GAL3ST2: variants seen among roughly 807,000 people sequenced by gnomAD.
GAL3ST2 encodes the protein beta-galactose-3-O-sulfotransferase 2.
In GAL3ST2, 16 loss-of-function variants were observed where a neutral mutation model predicts 12.9. That is an observed-to-expected ratio of 1.24 (90% CI 0.84 to 1.88). The LOEUF (loss-of-function observed/expected upper bound fraction) is 1.88. Ranked by LOEUF, GAL3ST2 falls within the 40% of genes most tolerant of loss-of-function variation. GAL3ST2 has a pLI of 0.00. For missense variants in GAL3ST2, 639 were observed against 571.8 expected, an observed-to-expected ratio of 1.12 and a Z score of -1.20; for synonymous variants, 302 against 273.9, an observed-to-expected ratio of 1.10 and a Z score of -1.01.
chr2:241,802,599 G>A lies in GAL3ST2; in HGVS notation c.375+563G>A, dbSNP rs1699867458. ...GGGGAGAGGTGATGGGCAGAGAGCG[G>A]GGCAGCGGGGGTGTGCTGTGGGGTG... On this transcript the variant is annotated intron_variant, in intron 3 of 3. Coordinates refer to ENST00000192314, the MANE Select transcript of GAL3ST2 (RefSeq NM_022134.3). This position sits in a 1 kb window ranked among gnomAD's most constrained non-coding sequence, Gnocchi z 4.8. Among the ~76,000 whole-genome samples the A allele has an allele frequency of 6.6e-6, 1 of 151,220 alleles. No individual in the cohort carries two copies. The highest frequency in any genetic ancestry group is 2.4e-5 in the African/African-American group (1 of 41,108).
intron 1 of GAL3ST2, among the ~76,000 whole-genome samples, chr2:241,777,273 G>C (rs1174462884): frequency 6.6e-6 from 1 of 152,216 alleles, no homozygotes. Context: ...TCGAGTGTCC[G>C]CGTGACGGCT....
rs1699767787 is a variant in GAL3ST2 at position 241,795,957 on chromosome 2, G to T, written c.30-3108G>T. ...GAAGAATTGTAGAGTGCAGGTGAAG[G>T]GAGGGCCTGGAAGCTCCTGTCCCGT... is the stretch of plus-strand genomic sequence containing the variant. On this transcript the variant is annotated intron_variant, in intron 1 of 3. Transcript: ENST00000192314. This position sits in a 1 kb window ranked among gnomAD's most constrained non-coding sequence, Gnocchi z 4.5. Among the ~76,000 whole-genome samples, 1 of 152,198 alleles carries T rather than the reference G, an allele frequency of 6.6e-6. No homozygotes were observed. Among genetic ancestry groups the T allele is most frequent in the Admixed American group, 6.5e-5 (1 of 15,286 alleles).
intron 1 of GAL3ST2, among the ~76,000 whole-genome samples, chr2:241,792,191 GTTATTA>G (rs952888663): frequency 1.0e-4 from 15 of 150,424 alleles, no homozygotes; most frequent in African/African-American, 2.9e-4. Context: ...TTTTTGTATT[GTTATTA>G]TTATTATTAT....
chr2:241,794,593 C>T (rs1009277874), intron 1 of GAL3ST2, among the ~76,000 whole-genome samples: 1 of 152,228 alleles, frequency 6.6e-6, no homozygotes, highest in Non-Finnish European at 1.5e-5. Context: ...TCTGGGCGCT[C>T]CCAGTGAGGC....
At chr2:241,799,868 A>G (rs1344737386) in intron 2 of GAL3ST2, among the ~76,000 whole-genome samples, 1 of 152,166 alleles carries the variant, frequency 6.6e-6, no homozygotes, top group Non-Finnish European at 1.5e-5. Context: ...GTTCTGGGGC[A>G]GGGAGGGCGC....
chr2:241,803,663 G>C lies in GAL3ST2; in HGVS notation c.694G>C (p.Glu232Gln). Residue 232 changes from glutamate to glutamine, a missense_variant, in exon 4 of 4, where the codon GAG becomes CAG. Glu to Gln is a conservative substitution (Grantham distance 29). Transcript: ENST00000192314. The stretch of plus-strand genomic sequence containing the variant: ...GGTGCTCATCGCCGAGCACCTGGAC[G>C]AGTCCCTGGTGCTGCTGCGGCGCCG... ...RLVLIAEHLDESLVLLRRRLR... is the reference protein window; with the variant it reads ...RLVLIAEHLDQSLVLLRRRLR... 6.5e-7 allele frequency: 1 copy of C among 1,549,264 alleles called. No homozygotes were observed. Among genetic ancestry groups the C allele is most frequent in the Non-Finnish European group, 8.7e-7 (1 of 1,146,112 alleles).
intron 1 of GAL3ST2, among the ~76,000 whole-genome samples, chr2:241,778,157 A>G (rs1333058672): frequency 1.3e-5 from 2 of 152,222 alleles, no homozygotes; most frequent in Non-Finnish European, 2.9e-5. Flanking sequence ...ACAGCCCTGG[A>G]CAGCAGCCTT....
chr2:241,792,548 T>C (rs1699705651), intron 1 of GAL3ST2, among the ~76,000 whole-genome samples: 1 of 152,188 alleles, frequency 6.6e-6, no homozygotes, highest in South Asian at 2.1e-4. Context: ...TGTTGTTTTC[T>C]TTCTTCCTCC....
In GAL3ST2 at chr2:241,776,847, CTGCCTG is replaced by C; in HGVS notation, c.-102_-97del. ...AGTTCACCTGCCCCACAGCCGCACC[CTGCCTG>C]TGCCTGCACCCTGGGGAGCCCAGAG... On this transcript the variant is annotated 5_prime_UTR_variant, in exon 1 of 4. Transcript: ENST00000192314. 4.2e-6 allele frequency: 4 copies of C among 961,444 alleles called. No individual in the cohort carries two copies. The highest frequency in any genetic ancestry group is 5.7e-6 in the Non-Finnish European group (4 of 707,816). The allele number at this position is 961,444 out of a possible 1,614,324, so 59.6% of individuals were successfully genotyped here.
At position 241,802,421 on chromosome 2, in the gene GAL3ST2, G is replaced by T. The variant is rs1699865315; in HGVS notation, c.375+385G>T. Among the ~76,000 whole-genome samples, 1 of 152,190 alleles carries T rather than the reference G, an allele frequency of 6.6e-6. No homozygotes were observed. The highest frequency in any genetic ancestry group is 2.4e-5 in the African/African-American group (1 of 41,452). The stretch of plus-strand genomic sequence containing the variant: ...AGCATAGAGCCGGCTTCCCCCCAGG[G>T]CTTCCCTGACCTTCCTTACAAAGGA... On this transcript the variant is annotated intron_variant, in intron 3 of 3. Coordinates refer to ENST00000192314, the MANE Select transcript of GAL3ST2 (RefSeq NM_022134.3). This position sits in a 1 kb window ranked among gnomAD's most constrained non-coding sequence, Gnocchi z 4.8.
Position 241,803,834 on chromosome 2 carries a change from A to T in GAL3ST2, c.865A>T (p.Thr289Ser), listed in dbSNP as rs1699893730. The T allele has an allele frequency of 6.7e-7, 1 of 1,484,110 alleles. No homozygotes were observed. The highest frequency in any genetic ancestry group is 1.5e-5 in the African/African-American group (1 of 67,518). The allele number at this position is 1,484,110 out of a possible 1,614,324, so 91.9% of individuals were successfully genotyped here. The change falls in exon 4 of 4, where the codon ACC becomes TCC. Residue 289 changes from threonine to serine, a missense_variant. Physicochemically the swap from Thr to Ser is moderately conservative, Grantham distance 58. Transcript: ENST00000192314. ...GCGCCTGTACGAGCATTTCAACCGC[A>T]CCCTCTGGGCGCAGCTGCGCGCCGA... The part of the protein sequence containing the change: ...DWRLYEHFNR[T>S]LWAQLRAELG...
Position 241,799,119 on chromosome 2 carries a change from C to G in GAL3ST2, c.84C>G (p.Ala28=), listed in dbSNP as rs376854402. 11 of 1,613,676 alleles carry G rather than the reference C, an allele frequency of 6.8e-6. No individual in the cohort carries two copies. The Admixed American group carries it at 8.3e-5, about 12-fold the overall frequency. ...LLLALTLLLL[A]GFLHSDLELD... ...TGGCCCTGACTCTGCTCCTGCTGGC[C>G]GGATTCCTGCACTCGGACTTAGAGC... The change falls in exon 2 of 4, where the codon GCC becomes GCG. Residue 28 remains alanine, a synonymous_variant. Transcript: ENST00000192314.
rs1002457046 is a variant in GAL3ST2 at position 241,793,478 on chromosome 2, GTAT to G, written c.30-5583_30-5581del. On this transcript the variant is annotated intron_variant, in intron 1 of 3. Coordinates refer to ENST00000192314, the MANE Select transcript of GAL3ST2 (RefSeq NM_022134.3). The surrounding 1 kb of genome is among the most constrained non-coding windows in gnomAD (Gnocchi z 4.7). The stretch of plus-strand genomic sequence containing the variant: ...TATGCGTGTGTATGTGTATGCATGT[GTAT>G]TATATGTACATATTGTGTATGTGTG... Among the ~76,000 whole-genome samples the G allele has an allele frequency of 3.9e-5, 6 of 152,030 alleles. No homozygotes were observed. Among genetic ancestry groups the G allele is most frequent in the East Asian group, 3.9e-4 (2 of 5,190 alleles).
At chr2:241,783,987 C>G (rs1699597627) in intron 1 of GAL3ST2, among the ~76,000 whole-genome samples, 1 of 151,934 alleles carries the variant, frequency 6.6e-6, no homozygotes, top group African/African-American at 2.4e-5. Flanking sequence ...GGTAATCTTA[C>G]TAAATTCAAG....
In GAL3ST2 at chr2:241,780,880, C is replaced by T. The variant is rs968768856; in HGVS notation, c.29+3896C>T. Among the ~76,000 whole-genome samples, 11 of 152,242 alleles carry T rather than the reference C, an allele frequency of 7.2e-5. 1 individual carries two copies. The highest frequency in any genetic ancestry group is 4.2e-4 in the South Asian group (2 of 4,816). ...CTTGCCACAGGTCAGGAACCCTGTT[C>T]GGGGACTCTGTAGACAAAAGTATGA... On this transcript the variant is annotated intron_variant, in intron 1 of 3. Coordinates refer to ENST00000192314, the MANE Select transcript of GAL3ST2 (RefSeq NM_022134.3).
At chr2:241,799,876 C>T (rs1009814413) in intron 2 of GAL3ST2, among the ~76,000 whole-genome samples, 6 of 152,196 alleles carry the variant, frequency 3.9e-5, no homozygotes, top group African/African-American at 9.6e-5. Flanking sequence ...GCAGGGAGGG[C>T]GCCTGCTACT....
In GAL3ST2 at chr2:241,800,827, C is replaced by T. The variant is rs1699834059; in HGVS notation, c.120-954C>T. ...AAGAAAACTCCCGTGGCAGGTAGAA[C>T]ATAAATAAGTGCAGCGTGTGTGACT... On this transcript the variant is annotated intron_variant, in intron 2 of 3. Transcript: ENST00000192314. The surrounding 1 kb of genome is among the most constrained non-coding windows in gnomAD (Gnocchi z 5.2). 1 of 152,214 alleles carries T rather than the reference C, an allele frequency of 6.6e-6. No individual in the cohort carries two copies. Among genetic ancestry groups the T allele is most frequent in the Non-Finnish European group, 1.5e-5 (1 of 68,036 alleles). The allele number at this position is 152,214 out of a possible 1,614,324, so 9.4% of individuals were successfully genotyped here.
rs986556949 is a variant in GAL3ST2 at position 241,804,248 on chromosome 2, G to A, written c.*82G>A. 12 of 1,203,586 alleles carry A rather than the reference G, an allele frequency of 1.0e-5. No individual in the cohort carries two copies. Among genetic ancestry groups the A allele is most frequent in the Admixed American group, 4.0e-5 (1 of 24,732 alleles). 74.6% of individuals were successfully genotyped at this position (1,203,586 alleles called of 1,614,324 possible). A position where few individuals can be genotyped will look rare whatever the true frequency, so the allele number is the denominator to read the frequency against. On this transcript the variant is annotated 3_prime_UTR_variant, in exon 4 of 4. Coordinates refer to ENST00000192314, the MANE Select transcript of GAL3ST2 (RefSeq NM_022134.3). ...ACCGGGGAGGCCGGGGATCCTTGCAGGGCTTCTGGGGCGTTGGGAAACCCA... is the reference window on the plus strand; with the variant it reads ...ACCGGGGAGGCCGGGGATCCTTGCAAGGCTTCTGGGGCGTTGGGAAACCCA...
chr2:241,786,121 TC>T (rs1575362561), intron 1 of GAL3ST2, among the ~76,000 whole-genome samples: 2 of 146,912 alleles, frequency 1.4e-5, no homozygotes, highest in East Asian at 4.3e-4. Context: ...GGCATCTTTC[TC>T]CCCCACCACA....
Sources: gnomAD v4.1 joint callset for allele counts (sites outside exome capture counted in the v4.1 genomes callset) on GRCh38, gnomAD v4.1.1 for gene constraint, Gnocchi (gnomAD v3.1) non-coding constraint, MANE v1.5 for transcripts, NCBI Gene and HGNC (gene_info 2026-07-23, HGNC 2026-07-21) for gene names.